Variants in GZF1 observed in about 807,000 individuals in gnomAD.
The protein encoded by GZF1 is GDNF-inducible zinc finger protein 1.
GZF1 carries 28 observed loss-of-function variants against 49.4 expected under a neutral mutation model. The observed-to-expected ratio is 0.57, with a 90% CI of 0.42 to 0.78. GZF1 has a LOEUF of 0.78. GZF1 is among the 30% of genes least tolerant of loss of function. The pLI is 0.00. For synonymous variants in GZF1, 364 were observed against 356.0 expected (o/e 1.02, Z -0.25); for missense variants, 798 against 916.2 (o/e 0.87, Z 1.67).
At chr20:23,364,339 A>C in intron 1 of GZF1, 24 bp from the exon 2 acceptor site, 1 of 1,422,938 alleles carries the variant, frequency 7.0e-7, no homozygotes, top group Admixed American at 2.1e-5. Flanking sequence ...TTGCTCATGC[A>C]TAATTCTTGT....
At chr20:23,367,542 G>A (rs1455944453) in intron 3 of GZF1, among the ~76,000 whole-genome samples, 3 of 152,078 alleles carry the variant, frequency 2.0e-5, no homozygotes, top group Admixed American at 6.6e-5. Context: ...CTTATGACCC[G>A]GCTATTCAGA....
chr20:23,364,283 A>G lies in GZF1; in HGVS notation c.-21-80A>G, dbSNP rs76394786. On this transcript the variant is annotated intron_variant, in intron 1 of 5. Transcript: ENST00000338121. ...TTGTTAATGAGTCTATATCCTCTCA[A>G]GTACTGAAGGAATCCTCATAAATTT... The G allele has an allele frequency of 2.2e-3, 1,687 of 771,036 alleles. 23 individuals carry two copies. The African/African-American group carries it at 0.026, about 12-fold the overall frequency. The allele number at this position is 771,036 out of a possible 1,614,324, so 47.8% of individuals were successfully genotyped here.
In GZF1 at chr20:23,364,740, G is replaced by A. The variant is rs200516081; in HGVS notation, c.357G>A (p.Leu119=). The A allele has an allele frequency of 2.7e-5, 44 of 1,614,236 alleles. No homozygotes were observed. The Admixed American group carries it at 4.3e-4, about 16-fold the overall frequency. Residue 119 remains leucine, a synonymous_variant, in exon 2 of 6, where the codon TTG becomes TTA. Coordinates refer to ENST00000338121, the MANE Select transcript of GZF1 (RefSeq NM_022482.5). The part of the protein sequence containing the change: ...MLEVAEKLKC[L]DLSETCFQLK... ...AAGTGGCTGAAAAGCTGAAATGTTTGGATTTATCAGAAACTTGTTTTCAAT... is the reference window on the plus strand; with the variant it reads ...AAGTGGCTGAAAAGCTGAAATGTTTAGATTTATCAGAAACTTGTTTTCAAT...
chr20:23,361,866 G>A (rs1980691234), upstream of GZF1, among the ~76,000 whole-genome samples: 1 of 152,226 alleles, frequency 6.6e-6, no homozygotes, highest in Admixed American at 6.5e-5. Flanking sequence ...ACGCGAATCT[G>A]ACGCTCACGT....
At chr20:23,367,482 T>G (rs903271853) in intron 3 of GZF1, among the ~76,000 whole-genome samples, 3 of 152,196 alleles carry the variant, frequency 2.0e-5, no homozygotes, top group Non-Finnish European at 4.4e-5. Flanking sequence ...AGCCTGATTG[T>G]CCAACTACAA....
At position 23,367,032 on chromosome 20, in the gene GZF1, G is replaced by A. The variant is rs746270004; in HGVS notation, c.1394G>A (p.Cys465Tyr). The part of the protein sequence containing the change: ...RIHTGEKPFV[C>Y]DECGARFTQN... ...CATACAGGGGAAAAACCTTTTGTCT[G>A]TGATGAATGTGGTGCAAGATTCACT... Residue 465 changes from cysteine (C) to tyrosine (Y), a missense_variant, in exon 3 of 6, where the codon TGT (cysteine) becomes TAT (tyrosine). Physicochemically the swap from Cys to Tyr is radical, Grantham distance 194. Coordinates refer to ENST00000338121, the MANE Select transcript of GZF1 (RefSeq NM_022482.5). 6.2e-7 allele frequency: 1 copy of A among 1,613,020 alleles called. No homozygotes were observed. The highest frequency in any genetic ancestry group is 1.3e-5 in the African/African-American group (1 of 74,924).
In GZF1 at chr20:23,365,160, G is replaced by A. The variant is rs1981158890; in HGVS notation, c.777G>A (p.Arg259=). ...KTAEGDVGDY[R]CPQDQSPDRV... ...CTGAGGGTGATGTGGGGGACTACAG[G>A]TGTCCCCAGGACCAAAGCCCGGACA... The change falls in exon 2 of 6, where the codon AGG becomes AGA. Residue 259 remains arginine, a synonymous_variant. Transcript: ENST00000338121. 6.2e-7 allele frequency: 1 copy of A among 1,613,754 alleles called. No individual in the cohort carries two copies. Among genetic ancestry groups the A allele is most frequent in the South Asian group, 1.1e-5 (1 of 91,032 alleles).
chr20:23,365,135 C>T lies in GZF1; in HGVS notation c.752C>T (p.Ala251Val). Residue 251 changes from alanine (A) to valine (V), a missense_variant, in exon 2 of 6, where the codon GCT (alanine) becomes GTT (valine). Around this residue, in one of 3 missense-constraint regions of GZF1, gnomAD observed 247 missense variants for 228.5 expected, o/e 1.08. Coordinates refer to ENST00000338121, the MANE Select transcript of GZF1 (RefSeq NM_022482.5). The stretch of plus-strand genomic sequence containing the variant: ...AGACTCCGAGAGCAGCAGAAAACTG[C>T]TGAGGGTGATGTGGGGGACTACAGG... ...TRRLREQQKT[A>V]EGDVGDYRCP... The T allele has an allele frequency of 6.2e-7, 1 of 1,613,972 alleles. No individual in the cohort carries two copies. Among genetic ancestry groups the T allele is most frequent in the Non-Finnish European group, 8.5e-7 (1 of 1,180,028 alleles).
intron 1 of GZF1, among the ~76,000 whole-genome samples, chr20:23,363,553 A>G (rs1036128984): frequency 1.3e-5 from 2 of 152,208 alleles, no homozygotes; most frequent in African/African-American, 4.8e-5. Context: ...GCCCTGGCTC[A>G]TGTCCCAACC....
Position 23,370,165 on chromosome 20 carries a change from C to T in GZF1, c.1860C>T (p.His620=), listed in dbSNP as rs776352775. The T allele has an allele frequency of 2.5e-6, 4 of 1,614,126 alleles. No individual in the cohort carries two copies. Among genetic ancestry groups the T allele is most frequent in the Middle Eastern group, 1.6e-4 (1 of 6,084 alleles). The stretch of plus-strand genomic sequence containing the variant: ...GCTCGCCCAAGAACGATGACGGACA[C>T]AAGACTGAACAGCCTGACGAAGAGT... ...VDGSPKNDDG[H]KTEQPDEEYV... is the part of the protein sequence containing the mutation. The change falls in exon 6 of 6, where the codon CAC becomes CAT. Residue 620 remains histidine (H), a synonymous_variant. Coordinates refer to ENST00000338121, the MANE Select transcript of GZF1 (RefSeq NM_022482.5).
In GZF1 at chr20:23,372,374, A is replaced by AT. The variant is rs1412256416; in HGVS notation, c.*1934dup. The stretch of plus-strand genomic sequence containing the variant: ...ATAATGAAATGTAAAATCCGGGTCC[A>AT]TAAGCCTTTATTTCATACAGTCCTA... On this transcript the variant is annotated 3_prime_UTR_variant, in exon 6 of 6. Coordinates refer to ENST00000338121, the MANE Select transcript of GZF1 (RefSeq NM_022482.5). The AT allele has an allele frequency of 6.6e-6, 1 of 152,236 alleles. No homozygotes were observed. Among genetic ancestry groups the AT allele is most frequent in the Admixed American group, 6.5e-5 (1 of 15,288 alleles). 9.4% of individuals were successfully genotyped at this position (152,236 alleles called of 1,614,324 possible).
At chr20:23,361,683 C>G (rs1284285584), upstream of GZF1, among the ~76,000 whole-genome samples, 4 of 152,204 alleles carry the variant, frequency 2.6e-5, no homozygotes, top group Non-Finnish European at 5.9e-5. Flanking sequence ...GCTCCAAGCC[C>G]GGCTTTCCGC....
rs369435640 is a variant in GZF1 at position 23,370,431 on chromosome 20, A to G, written c.2126A>G (p.Asn709Ser). 3.4e-5 allele frequency: 55 copies of G among 1,606,096 alleles called. No homozygotes were observed. The African/African-American group carries it at 6.8e-4, about 20-fold the overall frequency. Residue 709 changes from asparagine to serine, a missense_variant, in exon 6 of 6, where the codon AAC becomes AGC. Physicochemically the swap from Asn to Ser is conservative, Grantham distance 46. Transcript: ENST00000338121. Reference sequence around the variant, plus strand: ...CCCACACAGCTTCACTCTTTGAGCAACATGGAATAAGAGCTTCAAGCAGTT... The same window carrying G: ...CCCACACAGCTTCACTCTTTGAGCAGCATGGAATAAGAGCTTCAAGCAGTT... ...SMPTQLHSLS[N>S]ME is the part of the protein sequence containing the mutation.
Position 23,365,559 on chromosome 20 carries a change from G to C in GZF1, c.1176G>C (p.Val392=), listed in dbSNP as rs761231603. ...CGKKFKRKKD[V]KRHVLQVHEG... is the part of the protein sequence containing the mutation. ...AGAAGTTCAAGCGCAAGAAGGACGT[G>C]AAGCGGCACGTGCTGCAGGTGCATG... is the stretch of plus-strand genomic sequence containing the variant. Residue 392 remains valine (V), a synonymous_variant, in exon 2 of 6, where the codon GTG becomes GTC. Transcript: ENST00000338121. The C allele has an allele frequency of 1.2e-6, 2 of 1,612,420 alleles. No homozygotes were observed. Among genetic ancestry groups the C allele is most frequent in the African/African-American group, 2.7e-5 (2 of 74,948 alleles).
At chr20:23,364,242 C>G (rs1177586623) in intron 1 of GZF1, 121 bp from the exon 2 acceptor site, 13 of 556,414 alleles carry the variant, frequency 2.3e-5, no homozygotes, top group Non-Finnish European at 3.7e-5. Context: ...CGAATCTTTA[C>G]CTGAGTAAAG....
In GZF1 at chr20:23,369,636, C is replaced by T. The variant is rs751184080; in HGVS notation, c.1680C>T (p.Asn560=). Residue 560 remains asparagine, a synonymous_variant, in exon 5 of 6, where the codon AAC becomes AAT. Coordinates refer to ENST00000338121, the MANE Select transcript of GZF1 (RefSeq NM_022482.5). ...GCGGCAAGCAGTTCACCCAGCTCAA[C>T]GCCCTCCAGCGCCACCGCCGCATCC... ...DQCGKQFTQL[N]ALQRHRRIHT... 2.5e-5 allele frequency: 41 copies of T among 1,613,202 alleles called. No individual in the cohort carries two copies. The highest frequency in any genetic ancestry group is 1.0e-4 in the Admixed American group (6 of 59,934).
intron 1 of GZF1, chr20:23,362,783 C>G (rs1306299238): frequency 6.6e-6 from 1 of 152,288 alleles, no homozygotes; most frequent in African/African-American, 2.4e-5. Flanking sequence ...CCTCCAGTGC[C>G]TGCACTCCAG....
chr20:23,372,262 A>AT lies in GZF1; in HGVS notation c.*1827dup, dbSNP rs1390888527. 6.6e-6 allele frequency: 1 copy of AT among 152,604 alleles called. No individual in the cohort carries two copies. The highest frequency in any genetic ancestry group is 1.5e-5 in the Non-Finnish European group (1 of 68,032). 9.5% of individuals were successfully genotyped at this position (152,604 alleles called of 1,614,324 possible). A position where few individuals can be genotyped will look rare whatever the true frequency, so the allele number is the denominator to read the frequency against. ...TCTGCTTTGTAAAAGCAGTTTTGCA[A>AT]TTTTTTAAAGATCTATTTCTGTTAT... On this transcript the variant is annotated 3_prime_UTR_variant, in exon 6 of 6. Coordinates refer to ENST00000338121, the MANE Select transcript of GZF1 (RefSeq NM_022482.5).
At position 23,364,902 on chromosome 20, in the gene GZF1, C is replaced by A; in HGVS notation, c.519C>A (p.His173Gln). The A allele has an allele frequency of 6.2e-7, 1 of 1,614,218 alleles. No homozygotes were observed. The highest frequency in any genetic ancestry group is 1.1e-5 in the South Asian group (1 of 91,084). ...PRASVATDGPHPSGLTDSLDY... is the reference protein window; with the variant it reads ...PRASVATDGPQPSGLTDSLDY... ...CAAGTGTGGCCACCGATGGCCCTCA[C>A]CCCAGTGGTCTCACGGATTCCTTGG... The change falls in exon 2 of 6, where the codon CAC (histidine) becomes CAA (glutamine). Residue 173 changes from histidine to glutamine, a missense_variant. Around this residue, in one of 3 missense-constraint regions of GZF1, gnomAD observed 247 missense variants for 228.5 expected, o/e 1.08. Coordinates refer to ENST00000338121, the MANE Select transcript of GZF1 (RefSeq NM_022482.5).
Sources: allele counts gnomAD v4.1 joint callset (sites outside exome capture counted in the v4.1 genomes callset), GRCh38; gene constraint gnomAD v4.1.1; regional missense constraint gnomAD v4.1.1; transcripts MANE v1.5; gene names NCBI Gene and HGNC (gene_info 2026-07-23, HGNC 2026-07-21).